RORA: variants seen among roughly 807,000 people sequenced by gnomAD.
RORA encodes the protein RAR related orphan receptor A.
RORA carries 7 observed loss-of-function variants against 69.5 expected under a neutral mutation model. The observed-to-expected ratio is 0.10, with a 90% CI of 0.06 to 0.19. The LOEUF is 0.19. RORA is among the 10% of genes least tolerant of loss of function. The probability of loss-of-function intolerance (pLI) is 1.00; values close to 1 mark genes in which losing one functional copy is unlikely to be tolerated. For missense variants in RORA, 457 were observed against 663.0 expected (o/e 0.69, Z 3.41); for synonymous variants, 261 against 240.8 (o/e 1.08, Z -0.78).
At chr15:61,166,997 C>A (rs2079544174) in intron 1 of RORA, among the ~76,000 whole-genome samples, 1 of 152,176 alleles carries the variant, frequency 6.6e-6, no homozygotes, top group African/African-American at 2.4e-5. Flanking sequence ...TTACAGTAGA[C>A]AATGACAAAG....
intron 1 of RORA, among the ~76,000 whole-genome samples, chr15:60,722,437 G>A (rs2071305668): frequency 6.6e-6 from 1 of 152,226 alleles, no homozygotes; most frequent in South Asian, 2.1e-4. Flanking sequence ...AATAAACAGA[G>A]TGTTTCTGTT....
At chr15:61,046,432 C>G (rs782945) in intron 1 of RORA, among the ~76,000 whole-genome samples, 59,325 of 151,948 alleles carry the variant, frequency 0.39, 11,953 homozygotes, top group Non-Finnish European at 0.45. Flanking sequence ...GCCAATAAGC[C>G]TCTCACAAAG....
chr15:61,106,772 TG>T lies in RORA; in HGVS notation c.166+122280del, dbSNP rs1455116117. Among the ~76,000 whole-genome samples the T allele has an allele frequency of 3.9e-5, 6 of 152,318 alleles. No homozygotes were observed. In the East Asian group the frequency reaches 1.2e-3, roughly 29 times the overall value. ...CATCTTTCCATCTATTTATAAACCC[TG>T]GGAGGCCAAGGGCCCTTGAATCTTC... On this transcript the variant is annotated intron_variant, in intron 1 of 10. Coordinates refer to ENST00000335670, the MANE Select transcript of RORA (RefSeq NM_134261.3).
intron 2 of RORA, among the ~76,000 whole-genome samples, chr15:60,621,603 C>T (rs775860652): frequency 1.3e-5 from 2 of 152,116 alleles, no homozygotes; most frequent in African/African-American, 2.4e-5. Flanking sequence ...TTGTCCCACA[C>T]CTGCTTTTTA....
At chr15:60,878,923 C>A (rs1346484452) in intron 1 of RORA, among the ~76,000 whole-genome samples, 3 of 152,156 alleles carry the variant, frequency 2.0e-5, no homozygotes, top group Non-Finnish European at 4.4e-5. Context: ...TCCAGACCTC[C>A]AGACCAATGG....
intron 1 of RORA, among the ~76,000 whole-genome samples, chr15:61,045,625 G>C (rs1566961917): frequency 6.6e-6 from 1 of 152,144 alleles, no homozygotes; most frequent in African/African-American, 2.4e-5. Context: ...CAGGTATAGA[G>C]GGGAGAAGAA....
At chr15:60,723,728 A>G (rs185350834) in intron 1 of RORA, among the ~76,000 whole-genome samples, 55 of 152,328 alleles carry the variant, frequency 3.6e-4, no homozygotes, top group African/African-American at 1.2e-3. Context: ...TTATTCATCT[A>G]TTCAAATAAC....
chr15:60,573,874 C>G (rs547064402), intron 2 of RORA, among the ~76,000 whole-genome samples: 18 of 152,348 alleles, frequency 1.2e-4, no homozygotes, highest in African/African-American at 4.3e-4. Context: ...ACCTTGGGCC[C>G]TCCCTGGCCT....
chr15:60,989,594 G>A (rs181095412), intron 1 of RORA, among the ~76,000 whole-genome samples: 1 of 152,274 alleles, frequency 6.6e-6, no homozygotes, highest in African/African-American at 2.4e-5. Flanking sequence ...GCTGCTTTAC[G>A]TCTGCTTTAA....
intron 1 of RORA, among the ~76,000 whole-genome samples, chr15:60,797,288 A>G (rs1429795660): frequency 2.0e-5 from 3 of 152,128 alleles, no homozygotes; most frequent in African/African-American, 7.2e-5. Flanking sequence ...TGTGTATTAT[A>G]CCATTAAAAA....
rs146179403 is a variant in RORA, at chr15:60,733,245, G to A, written c.167-54559C>T. On this transcript the variant is annotated intron_variant, in intron 1 of 10. Transcript: ENST00000335670. Reference sequence around the variant, plus strand: ...AATCTTCTCCCCCTGCTTTCTTGGGGTGATTTCTTTGAATTAGTAAAAACT... The same window carrying A: ...AATCTTCTCCCCCTGCTTTCTTGGGATGATTTCTTTGAATTAGTAAAAACT... Among the ~76,000 whole-genome samples the A allele has an allele frequency of 2.3e-4, 35 of 152,262 alleles. No homozygotes were observed. The East Asian group carries it at 5.2e-3, about 23-fold the overall frequency.
intron 1 of RORA, among the ~76,000 whole-genome samples, chr15:61,185,712 C>T (rs896606494): frequency 1.3e-5 from 2 of 152,208 alleles, no homozygotes; most frequent in Admixed American, 1.3e-4. Flanking sequence ...GACTCAAGTT[C>T]CAGCCTTTGA....
At position 60,531,005 on chromosome 15, in the gene RORA, T is replaced by C. The variant is rs1002633379; in HGVS notation, c.282+761A>G. On this transcript the variant is annotated intron_variant, in intron 3 of 10. Coordinates refer to ENST00000335670, the MANE Select transcript of RORA (RefSeq NM_134261.3). The surrounding 1 kb of genome is among the most constrained non-coding windows in gnomAD (Gnocchi z 4.8). ...TCTGGGCTTGGGGGGTCTTGAATTATTGGGATAAACATCTCTGTTTCTCAT... is the reference window on the plus strand; with the variant it reads ...TCTGGGCTTGGGGGGTCTTGAATTACTGGGATAAACATCTCTGTTTCTCAT... 1 of 152,240 alleles carries C rather than the reference T, an allele frequency of 6.6e-6. No homozygotes were observed. Among genetic ancestry groups the C allele is most frequent in the African/African-American group, 2.4e-5 (1 of 41,468 alleles). 9.4% of individuals were successfully genotyped at this position (152,240 alleles called of 1,614,324 possible).
intron 10 of RORA, among the ~76,000 whole-genome samples, chr15:60,497,862 C>T (rs2065209129): frequency 6.6e-6 from 1 of 151,864 alleles, no homozygotes; most frequent in Non-Finnish European, 1.5e-5. Flanking sequence ...AGTTCAAGAC[C>T]AGCCTGGGAA....
chr15:60,996,777 G>T (rs1402936444), intron 1 of RORA, among the ~76,000 whole-genome samples: 8 of 151,972 alleles, frequency 5.3e-5, no homozygotes, highest in Admixed American at 2.6e-4. Flanking sequence ...GGGAGTGGTG[G>T]CAGGCGCCTG....
At chr15:60,929,825 C>T (rs1345929698) in intron 1 of RORA, among the ~76,000 whole-genome samples, 1 of 152,126 alleles carries the variant, frequency 6.6e-6, no homozygotes, top group Non-Finnish European at 1.5e-5. Context: ...TCCCCTCCAG[C>T]CCCCAGAGAT....
At chr15:60,665,825 T>C (rs984155505) in intron 2 of RORA, among the ~76,000 whole-genome samples, 3 of 152,050 alleles carry the variant, frequency 2.0e-5, no homozygotes, top group Non-Finnish European at 4.4e-5. Context: ...CAGGCGCCTG[T>C]CACCATGCCC....
At chr15:61,013,871 C>T (rs1485197742) in intron 1 of RORA, among the ~76,000 whole-genome samples, 2 of 148,970 alleles carry the variant, frequency 1.3e-5, no homozygotes. Context: ...GCAAGCTCTG[C>T]CTCCCGGGTT....
At chr15:61,161,668 T>C (rs28582876) in intron 1 of RORA, among the ~76,000 whole-genome samples, 6,359 of 152,214 alleles carry the variant, frequency 0.042, 455 homozygotes, top group African/African-American at 0.15. Flanking sequence ...AAAAAAAAGT[T>C]CTTATCTAGT....
Sources: allele counts gnomAD v4.1 joint callset (sites outside exome capture counted in the v4.1 genomes callset), GRCh38; gene constraint gnomAD v4.1.1; non-coding constraint Gnocchi (gnomAD v3.1); transcripts MANE v1.5; gene names NCBI Gene and HGNC (gene_info 2026-07-23, HGNC 2026-07-21).